Variants in MTA3 observed in about 807,000 individuals in gnomAD.
MTA3 encodes metastasis-associated protein MTA3.
In MTA3, 34 loss-of-function variants were observed where a neutral mutation model predicts 83.5. The observed-to-expected ratio is 0.41, with a 90% confidence interval of 0.31 to 0.54. The LOEUF is 0.54. Among genes scored for constraint, MTA3 ranks in the 20% least tolerant of loss-of-function variants. MTA3 has a pLI of 0.33. For synonymous variants in MTA3, 303 were observed against 252.7 expected (o/e 1.20, Z -1.89); for missense variants, 761 against 726.4 (o/e 1.05, Z -0.55).
At chr2:42,689,394 A>G (rs1329580534) in intron 9 of MTA3, among the ~76,000 whole-genome samples, 7 of 152,068 alleles carry the variant, frequency 4.6e-5, no homozygotes, top group Non-Finnish European at 8.8e-5. Context: ...TTTTGGTTTT[A>G]TTTCAGGCTA....
intron 3 of MTA3, among the ~76,000 whole-genome samples, chr2:42,591,478 T>A (rs905972529): frequency 6.6e-5 from 10 of 152,274 alleles, no homozygotes; most frequent in African/African-American, 2.4e-4. Flanking sequence ...CAATAATGAA[T>A]TAACCCAATT....
At chr2:42,752,474 G>A (rs527391861) in intron 16 of MTA3, among the ~76,000 whole-genome samples, 1 of 152,094 alleles carries the variant, frequency 6.6e-6, no homozygotes, top group South Asian at 2.1e-4. Flanking sequence ...CGGTGGTGAT[G>A]TGGTTTGCAG....
rs78050104 is a variant in MTA3, at chr2:42,724,060, C to T, written c.1759+1025C>T. 1.9e-3 allele frequency among the ~76,000 whole-genome samples: 287 copies of T among 152,104 alleles called. 1 individual carries two copies. Among genetic ancestry groups the T allele is most frequent in the African/African-American group, 6.6e-3 (272 of 41,482 alleles). On this transcript the variant is annotated intron_variant, in intron 16 of 16. Transcript: ENST00000405094. ...AGAAACACTTCCTTTCTAATGAGAA[C>T]GTTGGCCATCCTTGACACAATATAC...
At chr2:42,621,018 A>C (rs893779246) in intron 4 of MTA3, among the ~76,000 whole-genome samples, 1 of 151,624 alleles carries the variant, frequency 6.6e-6, no homozygotes, top group Non-Finnish European at 1.5e-5. Context: ...TCAAAACATC[A>C]TGTTGTACAC....
At chr2:42,714,037 C>T (rs1666846195) in intron 14 of MTA3, among the ~76,000 whole-genome samples, 1 of 152,186 alleles carries the variant, frequency 6.6e-6, no homozygotes, top group Admixed American at 6.5e-5. Flanking sequence ...CTCACAACAT[C>T]TAGACAATTC....
At chr2:42,592,668 C>A (rs1292840798) in intron 3 of MTA3, among the ~76,000 whole-genome samples, 2 of 152,140 alleles carry the variant, frequency 1.3e-5, no homozygotes, top group East Asian at 3.8e-4. Context: ...TACACAGGGT[C>A]AGGATCATCA....
At chr2:42,549,430 AATATATACGTATACATATAATATATT>A (rs1676981462) in intron 2 of MTA3, among the ~76,000 whole-genome samples, 1 of 108,256 alleles carries the variant, frequency 9.2e-6, no homozygotes. Context: ...TATAATATAT[AATATATACGTATACATATAATATATT>A]ATATATACAT....
chr2:42,694,322 G>A (rs568221215), intron 9 of MTA3, among the ~76,000 whole-genome samples: 2 of 152,200 alleles, frequency 1.3e-5, no homozygotes, highest in African/African-American at 4.8e-5. Context: ...CCAGCACTAG[G>A]AGTTGTTTAG....
intron 6 of MTA3, among the ~76,000 whole-genome samples, chr2:42,655,078 T>C (rs886195736): frequency 1.3e-5 from 2 of 152,220 alleles, no homozygotes; most frequent in African/African-American, 4.8e-5. Context: ...GAAGGAACTC[T>C]TAAAGGAGGC....
intron 4 of MTA3, among the ~76,000 whole-genome samples, chr2:42,627,662 C>G (rs1283323106): frequency 1.3e-5 from 2 of 150,824 alleles, no homozygotes; most frequent in Non-Finnish European, 1.5e-5. Context: ...CTCAGGAGTT[C>G]AAGTGATCCT....
chr2:42,745,176 A>G (rs1445807186), intron 16 of MTA3, among the ~76,000 whole-genome samples: 1 of 152,268 alleles, frequency 6.6e-6, no homozygotes, highest in Non-Finnish European at 1.5e-5. Context: ...AAGTGATGAC[A>G]TATAAATGAA....
chr2:42,573,039 T>G (rs746174143), intron 2 of MTA3, among the ~76,000 whole-genome samples: 10 of 152,108 alleles, frequency 6.6e-5, no homozygotes. Flanking sequence ...GGATTTATAA[T>G]GGAGGTACCA....
intron 3 of MTA3, among the ~76,000 whole-genome samples, chr2:42,584,062 C>T (rs1558459579): frequency 6.6e-6 from 1 of 151,396 alleles, no homozygotes; most frequent in Admixed American, 6.6e-5. Context: ...AGGCTGGTCT[C>T]GAACTCCCTA....
rs527668575 is a variant in MTA3 at position 42,497,232 on chromosome 2, AAAAC to A, written c.-141+1986_-141+1989del. Among the ~76,000 whole-genome samples the A allele has an allele frequency of 2.8e-3, 418 of 151,996 alleles. 1 individual carries two copies. Among genetic ancestry groups the A allele is most frequent in the African/African-American group, 9.7e-3 (399 of 41,346 alleles). On this transcript the variant is annotated intron_variant, in intron 2 of 17. Transcript: ENST00000405592. ...AAACTAGAGGTTTTCAAAAAAAAAC[AAAAC>A]AAACAAAACCTAAAAGGAGTATATA...
chr2:42,755,771 G>A lies in MTA3; in HGVS notation c.*2372G>A. The A allele has an allele frequency of 1.2e-5, 12 of 985,576 alleles. No individual in the cohort carries two copies. The highest frequency in any genetic ancestry group is 1.4e-5 in the Non-Finnish European group (12 of 830,024). The allele number at this position is 985,576 out of a possible 1,614,324, so 61.1% of individuals were successfully genotyped here. ...TGCTGTGTGTCAGTGGCATGTCACTGTGGTTCAGTGAGCACATGGGTGGAC... is the reference window on the plus strand; with the variant it reads ...TGCTGTGTGTCAGTGGCATGTCACTATGGTTCAGTGAGCACATGGGTGGAC... On this transcript the variant is annotated 3_prime_UTR_variant, in exon 17 of 17. Coordinates refer to ENST00000405094, the MANE Select transcript of MTA3 (RefSeq NM_001330442.2).
At chr2:42,670,058 G>C (rs547627163) in intron 8 of MTA3, among the ~76,000 whole-genome samples, 5 of 152,178 alleles carry the variant, frequency 3.3e-5, no homozygotes, top group African/African-American at 1.2e-4. Context: ...TCAGGAGTTC[G>C]AGACCAGCCT....
At chr2:42,639,499 G>A (rs1687510137) in intron 4 of MTA3, among the ~76,000 whole-genome samples, 1 of 152,050 alleles carries the variant, frequency 6.6e-6, no homozygotes, top group Non-Finnish European at 1.5e-5. Context: ...GTTTTTCTCA[G>A]AGTCTAGACA....
At chr2:42,682,300 T>G in intron 8 of MTA3, 101 bp from the exon 9 acceptor site, 1 of 787,894 alleles carries the variant, frequency 1.3e-6, no homozygotes, top group Non-Finnish European at 1.9e-6. Context: ...AATAAGTATA[T>G]TGTTAATTAA....
intron 3 of MTA3, among the ~76,000 whole-genome samples, chr2:42,592,251 G>C (rs376769426): frequency 2.0e-5 from 3 of 151,854 alleles, no homozygotes; most frequent in South Asian, 4.2e-4. Context: ...GACAGAGTGA[G>C]ACTCTATCTC....
Sources: gnomAD v4.1 joint callset for allele counts (sites outside exome capture counted in the v4.1 genomes callset) on GRCh38, gnomAD v4.1.1 for gene constraint, MANE v1.5 for transcripts, NCBI Gene and HGNC (gene_info 2026-07-23, HGNC 2026-07-21) for gene names.